The following KCNH8 variants were observed in gnomAD, a reference collection of about 807,000 sequenced individuals.
The protein encoded by KCNH8 is potassium voltage-gated channel subfamily H member 8, also known as voltage-gated delayed rectifier potassium channel KCNH8.
KCNH8 carries 70 observed loss-of-function variants against 103.6 expected under a neutral mutation model. The ratio of observed to expected loss-of-function variants is 0.68; its 90% CI spans 0.56 to 0.82. The LOEUF (loss-of-function observed/expected upper bound fraction) is 0.82, where lower values mean the gene tolerates loss of function less well. KCNH8 is among the 40% of genes least tolerant of loss of function. KCNH8 has a pLI of 0.00. For missense variants in KCNH8, 1,217 were observed against 1,329.9 expected (o/e 0.92, Z 1.32); for synonymous variants, 498 against 489.4 (o/e 1.02, Z -0.23).
chr3:19,458,951 A>G lies in KCNH8; in HGVS notation c.2040+1969A>G, dbSNP rs2067577641. ...ATTATCTTCTTTTTTAAGGCTGAAT[A>G]GTATTTCATTGTGTATGTATACCAC... On this transcript the variant is annotated intron_variant, in intron 11 of 15. Coordinates refer to ENST00000328405, the MANE Select transcript of KCNH8 (RefSeq NM_144633.3). 2.0e-5 allele frequency among the ~76,000 whole-genome samples: 3 copies of G among 152,068 alleles called. No individual in the cohort carries two copies. In the South Asian group the frequency reaches 6.2e-4, roughly 32 times the overall value.
rs1289640761 is a variant in KCNH8, at chr3:19,373,089, G to C, written c.812-17392G>C. Among the ~76,000 whole-genome samples, 53 of 151,926 alleles carry C rather than the reference G, an allele frequency of 3.5e-4. No homozygotes were observed. The East Asian group carries it at 4.9e-3, about 14-fold the overall frequency. On this transcript the variant is annotated intron_variant, in intron 5 of 15. Transcript: ENST00000328405. ...AAAATTCTCTTTTTTGGTTGTGTCT[G>C]TGCCCGGCTTTGGTATCAGAATGAT...
chr3:19,281,305 A>G lies in KCNH8; in HGVS notation c.418A>G (p.Ile140Val), dbSNP rs2064754174. 1 of 1,607,990 alleles carries G rather than the reference A, an allele frequency of 6.2e-7. No homozygotes were observed. Among genetic ancestry groups the G allele is most frequent in the Non-Finnish European group, 8.5e-7 (1 of 1,177,380 alleles). Reference protein sequence around the residue: ...FKDITDTKVKITPEDKKEDKV... With the variant: ...FKDITDTKVKVTPEDKKEDKV... Reference sequence around the variant, plus strand: ...AGATATAACAGATACAAAAGTGAAGATTACTCCAGAAGATAAAAAAGAAGG... The same window carrying G: ...AGATATAACAGATACAAAAGTGAAGGTTACTCCAGAAGATAAAAAAGAAGG... Residue 140 changes from isoleucine (I) to valine (V), a missense_variant, in exon 3 of 16, where the codon ATT (isoleucine) becomes GTT (valine). Physicochemically the swap from Ile to Val is conservative, Grantham distance 29. Transcript: ENST00000328405.
At chr3:19,492,109 T>C (rs1315434246) in intron 11 of KCNH8, among the ~76,000 whole-genome samples, 1 of 152,168 alleles carries the variant, frequency 6.6e-6, no homozygotes, top group East Asian at 1.9e-4. Flanking sequence ...AAATATTTTA[T>C]CCCATTTTGT....
rs957977046 is a variant in KCNH8 at position 19,534,657 on chromosome 3, CTTTA to C, written c.*564_*567del. The C allele has an allele frequency of 5.9e-5, 9 of 152,564 alleles. No homozygotes were observed. The highest frequency in any genetic ancestry group is 2.2e-4 in the African/African-American group (9 of 41,392). 9.5% of individuals were successfully genotyped at this position (152,564 alleles called of 1,614,324 possible). A position where few individuals can be genotyped will look rare whatever the true frequency, so the allele number is the denominator to read the frequency against. Reference sequence around the variant, plus strand: ...TTATTTGCCATGTAAATGAAAACGTCTTTATTTATCAAAAAAACACAGAGGCTAT... The same window carrying C: ...TTATTTGCCATGTAAATGAAAACGTCTTTATCAAAAAAACACAGAGGCTAT... On this transcript the variant is annotated 3_prime_UTR_variant, in exon 16 of 16. Transcript: ENST00000328405.
rs182609822 is a variant in KCNH8 at position 19,197,852 on chromosome 3, T to A, written c.76+49057T>A. 4.3e-3 allele frequency among the ~76,000 whole-genome samples: 654 copies of A among 152,256 alleles called. 4 individuals carry two copies. The highest frequency in any genetic ancestry group is 6.5e-3 in the Non-Finnish European group (442 of 68,004). On this transcript the variant is annotated intron_variant, in intron 1 of 15. Transcript: ENST00000328405. ...TTGGCTTACTTTTTTCCAACTAAAT[T>A]TTAAGTTATTTGTGGAAAGAAATAA...
At chr3:19,292,723 G>T (rs2064945735) in intron 3 of KCNH8, among the ~76,000 whole-genome samples, 3 of 152,118 alleles carry the variant, frequency 2.0e-5, no homozygotes, top group Admixed American at 2.0e-4. Context: ...TCTTCATCTT[G>T]CTTGTCACCT....
intron 4 of KCNH8, chr3:19,346,795 G>A (rs998967597): frequency 4.7e-6 from 2 of 425,294 alleles, no homozygotes; most frequent in East Asian, 7.3e-5. Flanking sequence ...TCAAATATAA[G>A]TTTCCATTAC....
intron 2 of KCNH8, among the ~76,000 whole-genome samples, chr3:19,265,952 C>A (rs566992119): frequency 1.3e-5 from 2 of 152,016 alleles, no homozygotes; most frequent in Non-Finnish European, 2.9e-5. Flanking sequence ...CAGACCCTTA[C>A]AATTTTGGTC....
At position 19,228,551 on chromosome 3, in the gene KCNH8, A is replaced by G. The variant is rs375864524; in HGVS notation, c.77-25103A>G. ...ATTTTAGGGGCAGCTCAGTAAAACCATAAAATAGATTCTATAATGTATTGT... is the reference window on the plus strand; with the variant it reads ...ATTTTAGGGGCAGCTCAGTAAAACCGTAAAATAGATTCTATAATGTATTGT... On this transcript the variant is annotated intron_variant, in intron 1 of 15. Coordinates refer to ENST00000328405, the MANE Select transcript of KCNH8 (RefSeq NM_144633.3). Among the ~76,000 whole-genome samples the G allele has an allele frequency of 9.8e-5, 15 of 152,344 alleles. 2 individuals carry two copies. Among genetic ancestry groups the G allele is most frequent in the Admixed American group, 5.2e-4 (8 of 15,306 alleles).
chr3:19,444,902 G>A (rs1424703695), intron 8 of KCNH8, among the ~76,000 whole-genome samples: 1 of 151,966 alleles, frequency 6.6e-6, no homozygotes, highest in East Asian at 1.9e-4. Context: ...TGATGGGCAT[G>A]TCAGTCGATA....
At chr3:19,399,684 C>A (rs1285783036) in intron 7 of KCNH8, among the ~76,000 whole-genome samples, 1 of 151,904 alleles carries the variant, frequency 6.6e-6, no homozygotes, top group Admixed American at 6.6e-5. Context: ...AGCATTATCA[C>A]CACCACCTCT....
chr3:19,433,042 C>G (rs1032273160), intron 7 of KCNH8, among the ~76,000 whole-genome samples: 7 of 151,964 alleles, frequency 4.6e-5, no homozygotes, highest in Non-Finnish European at 1.0e-4. Flanking sequence ...TGATGATGCC[C>G]TATTTTGGCA....
chr3:19,532,406 C>T (rs1351534321), intron 15 of KCNH8, among the ~76,000 whole-genome samples: 1 of 152,136 alleles, frequency 6.6e-6, no homozygotes, highest in Non-Finnish European at 1.5e-5. Context: ...AACTCTCATT[C>T]CATAGCTTTC....
At chr3:19,441,221 C>T (rs1037711919) in intron 8 of KCNH8, among the ~76,000 whole-genome samples, 16 of 152,208 alleles carry the variant, frequency 1.1e-4, no homozygotes, top group African/African-American at 3.9e-4. Context: ...CTCCCTGACA[C>T]TCCACACAGC....
intron 11 of KCNH8, among the ~76,000 whole-genome samples, chr3:19,490,706 G>A (rs942435521): frequency 6.6e-6 from 1 of 152,128 alleles, no homozygotes; most frequent in African/African-American, 2.4e-5. Flanking sequence ...CCCCCTTAAA[G>A]TGAGCAAATA....
At chr3:19,494,040 G>A (rs1303500078) in intron 11 of KCNH8, among the ~76,000 whole-genome samples, 5 of 152,022 alleles carry the variant, frequency 3.3e-5, no homozygotes, top group South Asian at 2.1e-4. Flanking sequence ...AGTGTCTGTT[G>A]TTCTCTTTGT....
chr3:19,250,278 T>C (rs2064259761), intron 1 of KCNH8, among the ~76,000 whole-genome samples: 2 of 151,512 alleles, frequency 1.3e-5, no homozygotes, highest in East Asian at 3.9e-4. Flanking sequence ...AAAGACAAAA[T>C]GACAAAACAT....
chr3:19,328,416 A>C (rs2065460755), intron 3 of KCNH8, among the ~76,000 whole-genome samples: 1 of 152,164 alleles, frequency 6.6e-6, no homozygotes, highest in African/African-American at 2.4e-5. Flanking sequence ...CTCCATGATG[A>C]ATTTGGGGGT....
intron 1 of KCNH8, among the ~76,000 whole-genome samples, chr3:19,199,235 ATTCT>A (rs2063632292): frequency 6.6e-6 from 1 of 152,132 alleles, no homozygotes; most frequent in Admixed American, 6.6e-5. Context: ...ACTGAACTTA[ATTCT>A]ACCCTTTGTT....
Sources: gnomAD v4.1 joint callset for allele counts (sites outside exome capture counted in the v4.1 genomes callset) on GRCh38, gnomAD v4.1.1 for gene constraint, MANE v1.5 for transcripts, NCBI Gene and HGNC (gene_info 2026-07-23, HGNC 2026-07-21) for gene names.